Variants in TMEM87A observed in about 807,000 individuals in gnomAD.
TMEM87A encodes Golgi-pH regulating cation channel.
A neutral mutation model predicts 90.0 loss-of-function variants in TMEM87A; 50 were observed. The ratio of observed to expected loss-of-function variants is 0.56; its 90% CI spans 0.44 to 0.70. TMEM87A has a LOEUF of 0.70. Ranked by LOEUF, TMEM87A falls within the 30% of genes least tolerant of loss-of-function variation. The pLI is 0.00. For synonymous variants in TMEM87A, 226 were observed against 226.7 expected (o/e 1.00, Z 0.03); for missense variants, 577 against 660.5 (o/e 0.87, Z 1.39).
chr15:42,227,004 C>T lies in TMEM87A; in HGVS notation c.1300-95G>A, dbSNP rs2050607864. On this transcript the variant is annotated intron_variant, in intron 14 of 19. Coordinates refer to ENST00000389834, the MANE Select transcript of TMEM87A (RefSeq NM_015497.5). Reference sequence around the variant, plus strand: ...ATAGAACAAAAATCACTTATTTGTTCATTCAAGTTATGTTTACTAAGAGCC... The same window carrying T: ...ATAGAACAAAAATCACTTATTTGTTTATTCAAGTTATGTTTACTAAGAGCC... 8 of 1,213,874 alleles carry T rather than the reference C, an allele frequency of 6.6e-6. No homozygotes were observed. In the South Asian group the frequency reaches 1.0e-4, roughly 16 times the overall value. 75.2% of individuals were successfully genotyped at this position (1,213,874 alleles called of 1,614,324 possible).
intron 6 of TMEM87A, chr15:42,257,978 A>C: frequency 1.0e-6 from 1 of 979,090 alleles, no homozygotes; most frequent in Non-Finnish European, 1.2e-6. Flanking sequence ...TAAGTTATAG[A>C]ATTAAAAACT....
chr15:42,264,227 T>C (rs2051354010), intron 3 of TMEM87A, 24 bp from the exon 4 acceptor site: 2 of 1,531,804 alleles, frequency 1.3e-6, no homozygotes, highest in African/African-American at 1.4e-5. Flanking sequence ...TAATACAGAG[T>C]AGTTAACTCA....
intron 6 of TMEM87A, among the ~76,000 whole-genome samples, chr15:42,249,748 T>C (rs1054430087): frequency 1.3e-5 from 2 of 152,178 alleles, no homozygotes; most frequent in African/African-American, 4.8e-5. Context: ...ATGTACAATC[T>C]GCTGATTTGG....
intron 15 of TMEM87A, among the ~76,000 whole-genome samples, chr15:42,223,082 C>G (rs1246021870): frequency 1.3e-5 from 2 of 152,076 alleles, no homozygotes; most frequent in African/African-American, 4.8e-5. Flanking sequence ...TATTGGCATA[C>G]AAAATATATC....
At chr15:42,232,030 A>G (rs1004953719) in intron 11 of TMEM87A, 29 of 398,090 alleles carry the variant, frequency 7.3e-5, no homozygotes, top group Non-Finnish European at 9.0e-5. Flanking sequence ...GTGCATCCAC[A>G]AAGTGTTTGA....
chr15:42,249,577 T>C (rs1595734691), intron 6 of TMEM87A, among the ~76,000 whole-genome samples: 1 of 152,246 alleles, frequency 6.6e-6, no homozygotes, highest in African/African-American at 2.4e-5. Context: ...TCAGTTTCCA[T>C]GTATTTGTGT....
intron 11 of TMEM87A, 107 bp from the exon 12 acceptor site, chr15:42,231,367 T>C (rs2050683930): frequency 8.5e-6 from 7 of 825,986 alleles, no homozygotes; most frequent in Admixed American, 3.9e-5. Flanking sequence ...AGTTTTTGCA[T>C]TGAACTGAAA....
chr15:42,237,351 A>G lies in TMEM87A; in HGVS notation c.868+81T>C, dbSNP rs1595723488. 2.2e-6 allele frequency: 3 copies of G among 1,377,662 alleles called. No homozygotes were observed. In the East Asian group the frequency reaches 6.9e-5, roughly 32 times the overall value. The allele number at this position is 1,377,662 out of a possible 1,614,324, so 85.3% of individuals were successfully genotyped here. ...AGTAATTGAAAAGTTAAGCCTATGT[A>G]GTGACTGCTGACCTTAGGAATATTT... On this transcript the variant is annotated intron_variant, in intron 9 of 19. Transcript: ENST00000389834.
In TMEM87A at chr15:42,233,284, G is replaced by A; in HGVS notation, c.991C>T (p.His331Tyr). 1 of 1,613,988 alleles carries A rather than the reference G, an allele frequency of 6.2e-7. No individual in the cohort carries two copies. The highest frequency in any genetic ancestry group is 8.5e-7 in the Non-Finnish European group (1 of 1,179,964). ...AGGGCTCCTGCTACTACAACCTTAT[G>A]AAGAGTGACTCCAAGGCGTGGCCTA... ...IVKPRLGVTL[H>Y]KVVVAGALYL... The change falls in exon 11 of 20, where the codon CAT becomes TAT. Residue 331 changes from histidine to tyrosine, a missense_variant. Physicochemically the swap from His to Tyr is moderately conservative, Grantham distance 83. Coordinates refer to ENST00000389834, the MANE Select transcript of TMEM87A (RefSeq NM_015497.5).
intron 6 of TMEM87A, among the ~76,000 whole-genome samples, chr15:42,249,636 C>T (rs978401770): frequency 1.3e-5 from 2 of 152,130 alleles, no homozygotes; most frequent in Non-Finnish European, 2.9e-5. Flanking sequence ...ATTGCAATGT[C>T]GTCTGAGAGA....
chr15:42,246,930 T>C (rs539740726), intron 6 of TMEM87A, among the ~76,000 whole-genome samples: 1 of 152,320 alleles, frequency 6.6e-6, no homozygotes, highest in African/African-American at 2.4e-5. Flanking sequence ...AGTGTTCCTA[T>C]TTCTCCACAT....
chr15:42,243,313 T>A (rs1468451690), intron 7 of TMEM87A, among the ~76,000 whole-genome samples: 1 of 33,542 alleles, frequency 3.0e-5, no homozygotes, highest in South Asian at 7.2e-4. Flanking sequence ...AATAAATAAA[T>A]AAAAAAAAAG....
At chr15:42,222,121 C>T (rs1377147962) in intron 15 of TMEM87A, among the ~76,000 whole-genome samples, 7 of 152,078 alleles carry the variant, frequency 4.6e-5, no homozygotes, top group Non-Finnish European at 4.4e-5. Context: ...AGTGCAATGG[C>T]GCGATCTCAG....
chr15:42,222,503 G>T (rs114422184), intron 15 of TMEM87A, among the ~76,000 whole-genome samples: 2,530 of 152,144 alleles, frequency 0.017, 72 homozygotes, highest in African/African-American at 0.059. Context: ...GAGCAGAACA[G>T]AAGAGAGTAG....
At chr15:42,253,616 C>T (rs982973656) in intron 6 of TMEM87A, among the ~76,000 whole-genome samples, 115 of 152,336 alleles carry the variant, frequency 7.5e-4, no homozygotes, top group African/African-American at 2.7e-3. Flanking sequence ...GCACCAGCAA[C>T]CTGCACCACG....
intron 14 of TMEM87A, 125 bp from the exon 15 acceptor site, chr15:42,227,034 ACGTGCTC>A: frequency 1.2e-6 from 1 of 864,004 alleles, no homozygotes; most frequent in Admixed American, 2.3e-5. Context: ...AGAGCCTGCT[ACGTGCTC>A]AGTACTGTGG....
At chr15:42,223,688 T>C (rs765915265) in intron 15 of TMEM87A, among the ~76,000 whole-genome samples, 17 of 152,220 alleles carry the variant, frequency 1.1e-4, no homozygotes, top group Admixed American at 3.9e-4. Context: ...TTCTGTTCAT[T>C]ATAAACAAAC....
At chr15:42,262,436 C>A (rs950159187) in intron 4 of TMEM87A, among the ~76,000 whole-genome samples, 90 of 80,424 alleles carry the variant, frequency 1.1e-3, no homozygotes, top group African/African-American at 4.0e-3. Context: ...CATCAATTAT[C>A]CCTTTTTTTT....
intron 6 of TMEM87A, among the ~76,000 whole-genome samples, chr15:42,256,332 G>C (rs2051184232): frequency 6.6e-6 from 1 of 151,856 alleles, no homozygotes; most frequent in African/African-American, 2.4e-5. Flanking sequence ...GTAGAGATAG[G>C]GTTTTGTCAT....
Sources: allele counts gnomAD v4.1 joint callset (sites outside exome capture counted in the v4.1 genomes callset), GRCh38; gene constraint gnomAD v4.1.1; transcripts MANE v1.5; gene names NCBI Gene and HGNC (gene_info 2026-07-23, HGNC 2026-07-21).